Variants in NEB observed in about 807,000 individuals in gnomAD.
The protein encoded by NEB is nemaline myopathy type 2.
NEB carries 512 observed loss-of-function variants against 952.2 expected under a neutral mutation model. The ratio of observed to expected loss-of-function variants is 0.54; its 90% CI spans 0.50 to 0.58. The LOEUF (loss-of-function observed/expected upper bound fraction) is 0.58. Ranked by LOEUF, NEB falls within the 20% of genes least tolerant of loss-of-function variation. The pLI is 0.00. For synonymous variants in NEB, 2,900 were observed against 3,149.8 expected (o/e 0.92, Z 2.66); for missense variants, 8,428 against 9,231.1 (o/e 0.91, Z 3.56).
rs727504036 is a variant in NEB, at chr2:151,677,982, T to G, written c.3461A>C (p.Asp1154Ala). The G allele has an allele frequency of 6.2e-7, 1 of 1,613,980 alleles. No individual in the cohort carries two copies. The highest frequency in any genetic ancestry group is 8.5e-7 in the Non-Finnish European group (1 of 1,179,864). ...FNVVAAKKAQDVVSNVNYKHS... is the reference protein window; with the variant it reads ...FNVVAAKKAQAVVSNVNYKHS... Reference sequence around the variant, plus strand: ...CTTATAGTTGACATTGCTGACCACATCCTGGGCTTTCTTAGCCGCCACGAC... The same window carrying G: ...CTTATAGTTGACATTGCTGACCACAGCCTGGGCTTTCTTAGCCGCCACGAC... Residue 1154 changes from aspartate to alanine, a missense_variant, in exon 33 of 182, where the codon GAT becomes GCT. This residue lies in a region of NEB where 2,851 missense variants were observed against 2,791.5 expected (regional missense o/e 1.02). Coordinates refer to ENST00000397345, the MANE Select transcript of NEB (RefSeq NM_001164508.2).
rs778009768 is a variant in NEB at position 151,630,828 on chromosome 2, G to A, written c.9619-9C>T. ...GCCTCTGTGTATAAACGCTATAAAA[G>A]AAGATAAGATGCTGATTAAAAATCA... On this transcript the variant is annotated splice_polypyrimidine_tract_variant and intron_variant, in intron 66 of 181. Coordinates refer to ENST00000397345, the MANE Select transcript of NEB (RefSeq NM_001164508.2). The A allele has an allele frequency of 1.3e-4, 210 of 1,567,894 alleles. No individual in the cohort carries two copies. Among genetic ancestry groups the A allele is most frequent in the Non-Finnish European group, 1.8e-4 (202 of 1,152,434 alleles).
intron 124 of NEB, among the ~76,000 whole-genome samples, chr2:151,557,748 A>T (rs2095760350): frequency 6.6e-6 from 1 of 152,262 alleles, no homozygotes; most frequent in Non-Finnish European, 1.5e-5. Flanking sequence ...TATCACATAA[A>T]CAGAACCAAG....
At chr2:151,506,100 C>T in intron 164 of NEB, 66 bp downstream of exon 164, 1 of 1,353,610 alleles carries the variant, frequency 7.4e-7, no homozygotes, top group Non-Finnish European at 1.1e-6. Flanking sequence ...GAGTGCAACT[C>T]ATAGGTCATT....
At chr2:151,505,619 G>T in intron 164 of NEB, 49 bp from the exon 165 acceptor site, 1 of 1,431,306 alleles carries the variant, frequency 7.0e-7, no homozygotes, top group Non-Finnish European at 9.9e-7. Flanking sequence ...ATGCTGGACT[G>T]TTATTCTTCC....
At chr2:151,610,704 G>C in intron 79 of NEB, 58 bp downstream of exon 79, 1 of 1,576,188 alleles carries the variant, frequency 6.3e-7, no homozygotes, top group Non-Finnish European at 8.7e-7. Context: ...AAATTGTTAC[G>C]GTGGAAAAAG....
At chr2:151,539,805 A>T (rs1292491377) in intron 138 of NEB, among the ~76,000 whole-genome samples, 1 of 152,220 alleles carries the variant, frequency 6.6e-6, no homozygotes, top group African/African-American at 2.4e-5. Context: ...CATTCACATG[A>T]TCTATATGCA....
rs1408920512 is a variant in NEB, at chr2:151,524,380, G to C, written c.22410C>G (p.Ser7470Arg). Residue 7470 changes from serine (S) to arginine (R), a missense_variant, in exon 153 of 182, where the codon AGC becomes AGG. Ser to Arg is a moderately radical substitution (Grantham distance 110). Around this residue, in one of 11 missense-constraint regions of NEB, gnomAD observed 3,374 missense variants for 3,651.5 expected, o/e 0.92. Coordinates refer to ENST00000397345, the MANE Select transcript of NEB (RefSeq NM_001164508.2). ...EYRAKHRKEG[S>R]HGLSMLGRPD... Reference sequence around the variant, plus strand: ...GGCGACCGAGCATGCTTAAGCCATGGCTGCCTTCCTTGCGGTGCTTGGCTC... The same window carrying C: ...GGCGACCGAGCATGCTTAAGCCATGCCTGCCTTCCTTGCGGTGCTTGGCTC... 10 of 1,613,924 alleles carry C rather than the reference G, an allele frequency of 6.2e-6. No individual in the cohort carries two copies. The South Asian group carries it at 1.1e-4, about 18-fold the overall frequency.
chr2:151,488,344 T>G (rs1204443416), intron 181 of NEB, among the ~76,000 whole-genome samples: 3 of 152,100 alleles, frequency 2.0e-5, no homozygotes, highest in Non-Finnish European at 4.4e-5. Context: ...GGCTTTCCCC[T>G]TTATATTTTA....
At chr2:151,616,640 A>G (rs2098209056) in intron 75 of NEB, among the ~76,000 whole-genome samples, 1 of 152,080 alleles carries the variant, frequency 6.6e-6, no homozygotes, top group African/African-American at 2.4e-5. Flanking sequence ...GTTGCAGTGA[A>G]CCAAAATTGT....
In NEB at chr2:151,620,919, A is replaced by G. The variant is rs368803600; in HGVS notation, c.10560T>C (p.Asp3520=). 1.0e-5 allele frequency: 16 copies of G among 1,606,848 alleles called. No individual in the cohort carries two copies. The South Asian group carries it at 1.1e-4, about 11-fold the overall frequency. ...ATGTTAGGACTTGATCAGCTCTTAC[A>G]TCACTGGCAATATCCCGAGAGGCCT... ...AAKASRDIAS[D]YKYKEAYRKQ... Residue 3520 remains aspartate, a splice_region_variant and synonymous_variant, in exon 72 of 182, where the codon GAT becomes GAC. Coordinates refer to ENST00000397345, the MANE Select transcript of NEB (RefSeq NM_001164508.2).
In NEB at chr2:151,678,018, T is replaced by A. The variant is rs370976402; in HGVS notation, c.3425A>T (p.Asp1142Val). 1.1e-4 allele frequency: 182 copies of A among 1,613,872 alleles called. No individual in the cohort carries two copies. The highest frequency in any genetic ancestry group is 1.5e-4 in the Non-Finnish European group (179 of 1,179,904). Residue 1142 changes from aspartate to valine, a missense_variant, in exon 33 of 182, where the codon GAT becomes GTT. Coordinates refer to ENST00000397345, the MANE Select transcript of NEB (RefSeq NM_001164508.2). ...CTTAGCCGCCACGACATTGAACATATCATGGGGCGTGTTGTATTTGGACTT... is the reference window on the plus strand; with the variant it reads ...CTTAGCCGCCACGACATTGAACATAACATGGGGCGTGTTGTATTTGGACTT... ...KTKSKYNTPH[D>V]MFNVVAAKKA...
intron 105 of NEB, among the ~76,000 whole-genome samples, chr2:151,578,454 G>A: frequency 6.6e-6 from 1 of 151,444 alleles, no homozygotes; most frequent in Non-Finnish European, 1.5e-5. Flanking sequence ...GAGGTCAGGG[G>A]TTTGAGACCA....
chr2:151,512,019 C>CTTTTTTTTTTTTTTTT (rs71403173), intron 161 of NEB, among the ~76,000 whole-genome samples: 1 of 93,586 alleles, frequency 1.1e-5, no homozygotes, highest in Non-Finnish European at 2.0e-5. Context: ...CCCTCTCACT[C>CTTTTTTTTTTTTTTTT]TTTTTTTTTT....
At position 151,706,909 on chromosome 2, in the gene NEB, A is replaced by T; in HGVS notation, c.1124T>A (p.Leu375Gln). Reference protein sequence around the residue: ...PASENPQLRQLKAAGDALSDK... With the variant: ...PASENPQLRQQKAAGDALSDK... ...ACTTAGGGCATCTCCTGCTGCCTTC[A>T]GCTGCCTAAGCTGTGGGTTCTCTGA... Residue 375 changes from leucine to glutamine, a missense_variant, in exon 13 of 182, where the codon CTG (leucine) becomes CAG (glutamine). Leu to Gln is a moderately radical substitution (Grantham distance 113). Transcript: ENST00000397345. 6.2e-7 allele frequency: 1 copy of T among 1,605,870 alleles called. No individual in the cohort carries two copies. Among genetic ancestry groups the T allele is most frequent in the Non-Finnish European group, 8.5e-7 (1 of 1,175,680 alleles).
At chr2:151,519,351 T>G (rs1389858303) in intron 154 of NEB, among the ~76,000 whole-genome samples, 1 of 152,210 alleles carries the variant, frequency 6.6e-6, no homozygotes, top group Non-Finnish European at 1.5e-5. Flanking sequence ...GAACATATTA[T>G]GCTAAGTAAA....
chr2:151,649,329 T>C (rs939291471), intron 54 of NEB, among the ~76,000 whole-genome samples: 1 of 152,326 alleles, frequency 6.6e-6, no homozygotes, highest in Admixed American at 6.5e-5. Flanking sequence ...ATGCTCATTC[T>C]AAGCTGATTA....
intron 119 of NEB, 39 bp from the exon 120 acceptor site, chr2:151,562,847 A>C: frequency 7.1e-7 from 1 of 1,412,202 alleles, no homozygotes; most frequent in Non-Finnish European, 9.8e-7. Flanking sequence ...AAGGGGTTTA[A>C]ATGTAAATTA....
chr2:151,634,372 G>A (rs564961541), intron 64 of NEB, among the ~76,000 whole-genome samples: 3 of 152,130 alleles, frequency 2.0e-5, no homozygotes, highest in Non-Finnish European at 2.9e-5. Flanking sequence ...GGCTGGGCAC[G>A]GTGGCTCATG....
At chr2:151,635,392 C>T (rs1224351865) in intron 64 of NEB, among the ~76,000 whole-genome samples, 4 of 152,082 alleles carry the variant, frequency 2.6e-5, no homozygotes, top group Non-Finnish European at 4.4e-5. Flanking sequence ...GACAGTTTTG[C>T]TCTGGGAGAC....
Sources: allele counts gnomAD v4.1 joint callset (sites outside exome capture counted in the v4.1 genomes callset), GRCh38; gene constraint gnomAD v4.1.1; regional missense constraint gnomAD v4.1.1; transcripts MANE v1.5; gene names NCBI Gene and HGNC (gene_info 2026-07-23, HGNC 2026-07-21).